CTNND2: variants seen among roughly 807,000 people sequenced by gnomAD.
CTNND2 encodes catenin delta-2.
In CTNND2, 22 loss-of-function variants were observed where a neutral mutation model predicts 144.4. That is an observed-to-expected ratio of 0.15 (90% CI 0.11 to 0.22). The LOEUF is 0.22. Among genes scored for constraint, CTNND2 ranks in the 10% least tolerant of loss-of-function variants. The pLI is 1.00. For synonymous variants in CTNND2, 751 were observed against 695.6 expected, an observed-to-expected ratio of 1.08 and a Z score of -1.25; for missense variants, 1,353 against 1,618.8, an observed-to-expected ratio of 0.84 and a Z score of 2.82.
At position 11,082,587 on chromosome 5, in the gene CTNND2, C is replaced by T. The variant is rs77073822; in HGVS notation, c.2788+109G>A. ...GAAAAAATGAGGCTGCTAATAAATG[C>T]ACGGCTTCTGTGTAAGCATAGGCTA... On this transcript the variant is annotated intron_variant, in intron 16 of 21. Transcript: ENST00000304623. 55 of 1,278,756 alleles carry T rather than the reference C, an allele frequency of 4.3e-5. No homozygotes were observed. In the East Asian group the frequency reaches 1.3e-3, roughly 30 times the overall value. The allele number at this position is 1,278,756 out of a possible 1,614,324, so 79.2% of individuals were successfully genotyped here.
intron 7 of CTNND2, among the ~76,000 whole-genome samples, chr5:11,365,998 T>C (rs1345517836): frequency 6.6e-6 from 1 of 152,174 alleles, no homozygotes; most frequent in African/African-American, 2.4e-5. Flanking sequence ...GTAATGGGAT[T>C]TAACTGGCAA....
At chr5:11,847,942 T>C (rs1328197342) in intron 1 of CTNND2, among the ~76,000 whole-genome samples, 1 of 152,036 alleles carries the variant, frequency 6.6e-6, no homozygotes, top group Non-Finnish European at 1.5e-5. Context: ...TCAATAACAA[T>C]GGCAATTATG....
intron 2 of CTNND2, among the ~76,000 whole-genome samples, chr5:11,648,011 T>C (rs1782453216): frequency 6.6e-6 from 1 of 152,212 alleles, no homozygotes. Flanking sequence ...TTAGCCTAGA[T>C]ATTGCCTTCT....
chr5:11,271,174 G>T (rs1745969451), intron 9 of CTNND2, among the ~76,000 whole-genome samples: 1 of 152,104 alleles, frequency 6.6e-6, no homozygotes, highest in Non-Finnish European at 1.5e-5. Context: ...TTCTTTTCTA[G>T]TCTGTTCTGT....
At chr5:11,748,775 T>C (rs923002511) in intron 1 of CTNND2, among the ~76,000 whole-genome samples, 1 of 152,072 alleles carries the variant, frequency 6.6e-6, no homozygotes, top group African/African-American at 2.4e-5. Context: ...TTTGGGAGTA[T>C]GTGATAATTT....
chr5:11,512,706 T>C (rs1771766391), intron 3 of CTNND2, among the ~76,000 whole-genome samples: 2 of 152,210 alleles, frequency 1.3e-5, no homozygotes, highest in African/African-American at 4.8e-5. Context: ...GTAAGTGATT[T>C]CTAGCTGATT....
At chr5:11,153,352 T>C (rs1043017961) in intron 12 of CTNND2, among the ~76,000 whole-genome samples, 3 of 152,214 alleles carry the variant, frequency 2.0e-5, no homozygotes, top group Admixed American at 2.0e-4. Context: ...GGGCTCATGA[T>C]ACAACACTTT....
chr5:11,346,434 A>G lies in CTNND2; in HGVS notation c.1566T>C (p.Ala522=). The G allele has an allele frequency of 6.4e-7, 1 of 1,556,884 alleles. No homozygotes were observed. Among genetic ancestry groups the G allele is most frequent in the Non-Finnish European group, 8.7e-7 (1 of 1,147,546 alleles). Residue 522 remains alanine, a synonymous_variant, in exon 9 of 22, where the codon GCT becomes GCC. Coordinates refer to ENST00000304623, the MANE Select transcript of CTNND2 (RefSeq NM_001332.4). ...TGGCCAAGGTGCCTTCAGGCGGGAG[A>G]GCAGGGCCGGATTTGCTGTATGGAG... is the stretch of plus-strand genomic sequence containing the variant. ...VESPYSKSGP[A]LPPEGTLARS... is the part of the protein sequence containing the mutation.
chr5:11,316,576 G>C (rs966052988), intron 9 of CTNND2, among the ~76,000 whole-genome samples: 2 of 151,092 alleles, frequency 1.3e-5, no homozygotes, highest in South Asian at 4.2e-4. Flanking sequence ...GTGCCATGTT[G>C]GTGTGCTGCA....
chr5:11,848,278 T>G (rs1217682886), intron 1 of CTNND2, among the ~76,000 whole-genome samples: 1 of 152,122 alleles, frequency 6.6e-6, no homozygotes, highest in Non-Finnish European at 1.5e-5. Flanking sequence ...GACATACAGT[T>G]TCAAATTATT....
chr5:11,369,197 G>C (rs924808486), intron 7 of CTNND2, among the ~76,000 whole-genome samples: 3 of 152,114 alleles, frequency 2.0e-5, no homozygotes, highest in African/African-American at 7.2e-5. Context: ...AAAAAATGTA[G>C]GAATGAATGA....
chr5:11,013,946 G>A (rs1472584313), intron 18 of CTNND2, among the ~76,000 whole-genome samples: 1 of 152,188 alleles, frequency 6.6e-6, no homozygotes, highest in African/African-American at 2.4e-5. Flanking sequence ...CAGAGCCAGG[G>A]TGCTTTGCTT....
chr5:11,592,713 C>G (rs1779315656), intron 2 of CTNND2, among the ~76,000 whole-genome samples: 1 of 151,454 alleles, frequency 6.6e-6, no homozygotes, highest in South Asian at 2.1e-4. Context: ...ATAATCAAAA[C>G]CTCAGCATGC....
At chr5:11,648,245 A>T (rs534383802) in intron 2 of CTNND2, among the ~76,000 whole-genome samples, 3 of 151,514 alleles carry the variant, frequency 2.0e-5, no homozygotes, top group African/African-American at 7.3e-5. Flanking sequence ...CATGCTACCA[A>T]GATAAACTGA....
chr5:11,470,997 A>G (rs1233459069), intron 3 of CTNND2, among the ~76,000 whole-genome samples: 3 of 41,638 alleles, frequency 7.2e-5, no homozygotes, highest in Non-Finnish European at 1.7e-4. Context: ...TTTTTTTTTT[A>G]GATGGAGTCT....
chr5:11,806,975 T>G (rs1792039712), intron 1 of CTNND2, among the ~76,000 whole-genome samples: 1 of 152,094 alleles, frequency 6.6e-6, no homozygotes, highest in African/African-American at 2.4e-5. Flanking sequence ...TATGTTTTGT[T>G]TTTATTCTCA....
At chr5:11,841,324 C>G (rs1180973796) in intron 1 of CTNND2, among the ~76,000 whole-genome samples, 1 of 148,222 alleles carries the variant, frequency 6.7e-6, no homozygotes, top group African/African-American at 2.6e-5. Flanking sequence ...GAACCAAAAA[C>G]ACAAACAAAA....
At chr5:11,134,719 G>A (rs148401283) in intron 12 of CTNND2, among the ~76,000 whole-genome samples, 3 of 152,276 alleles carry the variant, frequency 2.0e-5, no homozygotes, top group Non-Finnish European at 2.9e-5. Flanking sequence ...AGAACAGTAA[G>A]CTAAATGAGT....
chr5:11,757,816 A>G (rs1307958751), intron 1 of CTNND2, among the ~76,000 whole-genome samples: 1 of 151,924 alleles, frequency 6.6e-6, no homozygotes, highest in African/African-American at 2.4e-5. Context: ...CACTTTACCC[A>G]CTTTACTGCA....
Sources: allele counts gnomAD v4.1 joint callset (sites outside exome capture counted in the v4.1 genomes callset), GRCh38; gene constraint gnomAD v4.1.1; transcripts MANE v1.5; gene names NCBI Gene and HGNC (gene_info 2026-07-23, HGNC 2026-07-21).